Variants in SLC35E2B observed in about 807,000 individuals in gnomAD.
SLC35E2B encodes solute carrier family 35, member E2B.
Under a neutral mutation model 32.4 loss-of-function variants are expected in SLC35E2B, and 18 were observed. The observed-to-expected ratio is 0.56, with a 90% CI of 0.38 to 0.82. The LOEUF (loss-of-function observed/expected upper bound fraction) is 0.82. Among genes scored for constraint, SLC35E2B ranks in the 40% least tolerant of loss-of-function variants. The pLI is 0.00. For missense variants in SLC35E2B, 263 were observed against 469.5 expected, an observed-to-expected ratio of 0.56 and a Z score of 4.06; for synonymous variants, 132 against 209.1, an observed-to-expected ratio of 0.63 and a Z score of 3.18.
chr1:1,667,971 GC>G (rs1284755328), intron 9 of SLC35E2B, among the ~76,000 whole-genome samples: 1 of 151,386 alleles, frequency 6.6e-6, no homozygotes, highest in Non-Finnish European at 1.5e-5. Context: ...TCCTGCCTCA[GC>G]CTCCCGAGTA....
rs1332804372 is a variant in SLC35E2B at position 1,663,402 on chromosome 1, G to C, written c.*2380C>G. 2.3e-6 allele frequency: 2 copies of C among 870,756 alleles called. No individual in the cohort carries two copies. The highest frequency in any genetic ancestry group is 2.7e-6 in the Non-Finnish European group (2 of 741,452). The allele number at this position is 870,756 out of a possible 1,614,324, so 53.9% of individuals were successfully genotyped here. A position where few individuals can be genotyped will look rare whatever the true frequency, so the allele number is the denominator to read the frequency against. On this transcript the variant is annotated 3_prime_UTR_variant, in exon 10 of 10. Coordinates refer to ENST00000617444, the MANE Select transcript of SLC35E2B (RefSeq NM_001290264.2). ...CATTCTCGACGGGGAGGTGGACAAG[G>C]CCACCCTGGGAGTTGCTTTCAATCT...
chr1:1,685,228 C>T (rs141634065), intron 2 of SLC35E2B, among the ~76,000 whole-genome samples: 139 of 151,780 alleles, frequency 9.2e-4, no homozygotes, highest in Non-Finnish European at 1.8e-3. Context: ...TCAATACCAG[C>T]CTGGGTAATA....
intron 5 of SLC35E2B, chr1:1,673,983 GA>G (rs1259847142): frequency 2.5e-4 from 35 of 139,826 alleles, no homozygotes; most frequent in African/African-American, 3.9e-4. Context: ...AAAAAAAAAA[GA>G]AAAAAAAAAG....
chr1:1,680,967 C>T (rs966320073), intron 2 of SLC35E2B, among the ~76,000 whole-genome samples: 1 of 146,102 alleles, frequency 6.8e-6, no homozygotes, highest in African/African-American at 2.5e-5. Context: ...CACGCCCAGC[C>T]GCTTCTTATT....
intron 8 of SLC35E2B, among the ~76,000 whole-genome samples, chr1:1,668,774 A>C (rs1367707684): frequency 6.6e-6 from 1 of 152,136 alleles, no homozygotes. Context: ...CAGAAACCCC[A>C]ATGCGGGGCC....
rs539662770 is a variant in SLC35E2B, at chr1:1,664,407, A to C, written c.*1375T>G. On this transcript the variant is annotated 3_prime_UTR_variant, in exon 10 of 10. Coordinates refer to ENST00000617444, the MANE Select transcript of SLC35E2B (RefSeq NM_001290264.2). ...CAAAGGCCTAAAGAGCAGGCAGGGAAATGAGACTCGGGACCACTGGAGCCC... is the reference window on the plus strand; with the variant it reads ...CAAAGGCCTAAAGAGCAGGCAGGGACATGAGACTCGGGACCACTGGAGCCC... 2.2e-6 allele frequency: 2 copies of C among 905,740 alleles called. No individual in the cohort carries two copies. Among genetic ancestry groups the C allele is most frequent in the East Asian group, 2.3e-4 (2 of 8,582 alleles). The allele number at this position is 905,740 out of a possible 1,614,324, so 56.1% of individuals were successfully genotyped here.
chr1:1,689,128 C>T (rs1325982892), intron 2 of SLC35E2B, among the ~76,000 whole-genome samples: 1 of 152,078 alleles, frequency 6.6e-6, no homozygotes, highest in Middle Eastern at 3.4e-3. Flanking sequence ...GCTGAGATTG[C>T]ACCACTACAC....
At position 1,692,495 on chromosome 1, in the gene SLC35E2B, G is replaced by A. The variant is rs1265654817; in HGVS notation, c.-612C>T. 2 of 985,276 alleles carry A rather than the reference G, an allele frequency of 2.0e-6. No individual in the cohort carries two copies. Among genetic ancestry groups the A allele is most frequent in the Non-Finnish European group, 2.4e-6 (2 of 830,006 alleles). 61.0% of individuals were successfully genotyped at this position (985,276 alleles called of 1,614,324 possible). A position where few individuals can be genotyped will look rare whatever the true frequency, so the allele number is the denominator to read the frequency against. ...GCCGCAGGCATAGCGCTAGGCCCCG[G>A]CGCCTTCACAACAAAGGGACGCTGG... On this transcript the variant is annotated 5_prime_UTR_variant, in exon 1 of 10. Coordinates refer to ENST00000617444, the MANE Select transcript of SLC35E2B (RefSeq NM_001290264.2).
Position 1,669,833 on chromosome 1 carries a change from G to A in SLC35E2B, c.762-97C>T, listed in dbSNP as rs1474352975. ...AAGAACACCCAGGCACCCCAGCCCA[G>A]AAGACGTTCATTCTCTCTAGACAGG... On this transcript the variant is annotated intron_variant, in intron 7 of 9. Coordinates refer to ENST00000617444, the MANE Select transcript of SLC35E2B (RefSeq NM_001290264.2). 4 of 1,280,554 alleles carry A rather than the reference G, an allele frequency of 3.1e-6. No homozygotes were observed. In the African/African-American group the frequency reaches 4.4e-5, roughly 14 times the overall value. The allele number at this position is 1,280,554 out of a possible 1,614,324, so 79.3% of individuals were successfully genotyped here.
At chr1:1,684,801 A>AC (rs1557765400) in intron 2 of SLC35E2B, among the ~76,000 whole-genome samples, 30 of 147,516 alleles carry the variant, frequency 2.0e-4, no homozygotes, top group African/African-American at 7.5e-4. Context: ...AAAAAAAAAA[A>AC]AAAAAAAAAA....
At chr1:1,675,349 C>T (rs1643815264) in intron 5 of SLC35E2B, 114 bp downstream of exon 5, 1 of 686,486 alleles carries the variant, frequency 1.5e-6, no homozygotes, top group Non-Finnish European at 2.5e-6. Flanking sequence ...GTGTGGGCAC[C>T]ACTCTGAGTG....
chr1:1,689,769 T>C (rs1278704355), intron 2 of SLC35E2B, among the ~76,000 whole-genome samples: 1 of 148,954 alleles, frequency 6.7e-6, no homozygotes, highest in Non-Finnish European at 1.5e-5. Context: ...GGCGGATCAC[T>C]TGAGGTCGGG....
rs575208924 is a variant in SLC35E2B at position 1,690,120 on chromosome 1, A to G, written c.-148+856T>C. On this transcript the variant is annotated intron_variant, in intron 2 of 9. Transcript: ENST00000617444. The stretch of plus-strand genomic sequence containing the variant: ...AACATGGAGAAACCCCATCTCTACT[A>G]AAAATACAAAGTTGGCCGGCATGGT... 7.3e-5 allele frequency among the ~76,000 whole-genome samples: 11 copies of G among 150,772 alleles called. 1 individual carries two copies. The East Asian group carries it at 2.0e-3, about 27-fold the overall frequency.
rs539825848 is a variant in SLC35E2B at position 1,690,110 on chromosome 1, C to T, written c.-148+866G>A. Among the ~76,000 whole-genome samples, 650 of 150,370 alleles carry T rather than the reference C, an allele frequency of 4.3e-3. 23 individuals carry two copies. The highest frequency in any genetic ancestry group is 7.1e-3 in the Non-Finnish European group (482 of 67,414). On this transcript the variant is annotated intron_variant, in intron 2 of 9. Transcript: ENST00000617444. ...CAGTCTGACCAACATGGAGAAACCC[C>T]ATCTCTACTAAAAATACAAAGTTGG...
intron 2 of SLC35E2B, among the ~76,000 whole-genome samples, chr1:1,687,920 A>G (rs1304300381): frequency 1.3e-5 from 2 of 152,032 alleles, no homozygotes; most frequent in Non-Finnish European, 2.9e-5. Flanking sequence ...ACAAAAAATA[A>G]TAATAACATA....
At chr1:1,682,510 T>C (rs939405891) in intron 2 of SLC35E2B, among the ~76,000 whole-genome samples, 1 of 152,034 alleles carries the variant, frequency 6.6e-6, no homozygotes, top group Non-Finnish European at 1.5e-5. Context: ...GGGGGAAGAC[T>C]GAGGGACGAA....
In SLC35E2B at chr1:1,661,513, G is replaced by A. The variant is rs987448930; in HGVS notation, c.*4269C>T. On this transcript the variant is annotated 3_prime_UTR_variant, in exon 10 of 10. Coordinates refer to ENST00000617444, the MANE Select transcript of SLC35E2B (RefSeq NM_001290264.2). Reference sequence around the variant, plus strand: ...ACATTTATTTTACTTTGCTGAGCAAGAATCATAGACAGCTACTACCACGGC... The same window carrying A: ...ACATTTATTTTACTTTGCTGAGCAAAAATCATAGACAGCTACTACCACGGC... 7 of 770,294 alleles carry A rather than the reference G, an allele frequency of 9.1e-6. No individual in the cohort carries two copies. The African/African-American group carries it at 1.3e-4, about 14-fold the overall frequency. The allele number at this position is 770,294 out of a possible 1,614,324, so 47.7% of individuals were successfully genotyped here. A position where few individuals can be genotyped will look rare whatever the true frequency, so the allele number is the denominator to read the frequency against.
intron 2 of SLC35E2B, among the ~76,000 whole-genome samples, chr1:1,688,403 G>A (rs1045120075): frequency 1.3e-5 from 2 of 151,808 alleles, no homozygotes; most frequent in Non-Finnish European, 2.9e-5. Flanking sequence ...TCAGGACATC[G>A]AGATCCTCCT....
intron 9 of SLC35E2B, among the ~76,000 whole-genome samples, chr1:1,666,556 T>C (rs1643550110): frequency 6.6e-6 from 1 of 152,184 alleles, no homozygotes; most frequent in Non-Finnish European, 1.5e-5. Flanking sequence ...ACAGGTATCA[T>C]GACATCTCAC....
Sources: gnomAD v4.1 joint callset for allele counts (sites outside exome capture counted in the v4.1 genomes callset) on GRCh38, gnomAD v4.1.1 for gene constraint, MANE v1.5 for transcripts, NCBI Gene and HGNC (gene_info 2026-07-23, HGNC 2026-07-21) for gene names.